Variants in CALD1 observed in about 807,000 individuals in gnomAD.
CALD1 encodes the protein caldesmon 1.
CALD1 carries 33 observed loss-of-function variants against 99.9 expected under a neutral mutation model. That is an observed-to-expected ratio of 0.33 (90% CI 0.25 to 0.44). The LOEUF (loss-of-function observed/expected upper bound fraction) is 0.44. Ranked by LOEUF, CALD1 falls within the 20% of genes least tolerant of loss-of-function variation. The probability of loss-of-function intolerance (pLI) is 1.00; values close to 1 mark genes in which losing one functional copy is unlikely to be tolerated. For missense variants in CALD1, 861 were observed against 962.1 expected (o/e 0.89, Z 1.39); for synonymous variants, 310 against 325.0 (o/e 0.95, Z 0.50).
Position 134,934,000 on chromosome 7 carries a change from C to G in CALD1, c.1231C>G (p.Gln411Glu). 1 of 1,613,994 alleles carries G rather than the reference C, an allele frequency of 6.2e-7. No individual in the cohort carries two copies. The highest frequency in any genetic ancestry group is 8.5e-7 in the Non-Finnish European group (1 of 1,179,968). ...ETKIKGEKVEQKIEGKWVNEK... is the reference protein window; with the variant it reads ...ETKIKGEKVEEKIEGKWVNEK... ...AAAGATAAAAGGGGAAAAGGTAGAACAGAAAATAGAAGGGAAATGGGTAAA... is the reference window on the plus strand; with the variant it reads ...AAAGATAAAAGGGGAAAAGGTAGAAGAGAAAATAGAAGGGAAATGGGTAAA... The change falls in exon 5 of 15, where the codon CAG (glutamine) becomes GAG (glutamate). Residue 411 changes from glutamine (Q) to glutamate (E), a missense_variant. By Grantham distance (29) the Gln-to-Glu change is conservative. This residue lies in a region of CALD1 where 293 missense variants were observed against 262.7 expected (regional missense o/e 1.12). Transcript: ENST00000361675.
chr7:134,928,170 G>A (rs1374442666), intron 3 of CALD1: 10 of 220,300 alleles, frequency 4.5e-5, no homozygotes, highest in South Asian at 9.6e-5. Flanking sequence ...GGTGGCTCAC[G>A]CCTGTAATCC....
chr7:134,833,601 G>A (rs1329248439), intron 1 of CALD1, among the ~76,000 whole-genome samples: 1 of 152,194 alleles, frequency 6.6e-6, no homozygotes, highest in African/African-American at 2.4e-5. Context: ...TCAAGATTTA[G>A]AAGTGGAAAA....
intron 3 of CALD1, among the ~76,000 whole-genome samples, chr7:134,884,652 A>T (rs1227902436): frequency 6.8e-6 from 1 of 146,774 alleles, no homozygotes; most frequent in Non-Finnish European, 1.5e-5. Flanking sequence ...AAAAAAGGCC[A>T]ATCTTTAGAA....
At chr7:134,795,877 T>C (rs1182928939) in intron 1 of CALD1, among the ~76,000 whole-genome samples, 1 of 152,210 alleles carries the variant, frequency 6.6e-6, no homozygotes, top group African/African-American at 2.4e-5. Context: ...CCTACGACCC[T>C]AAGACTTGAC....
the CALD1 span, among the ~76,000 whole-genome samples, chr7:134,729,916 A>C: frequency 6.6e-6 from 1 of 152,124 alleles, no homozygotes; most frequent in African/African-American, 2.4e-5. Flanking sequence ...CTCTGGATGG[A>C]GAGTTGGATG....
At chr7:134,763,102 A>G (rs2131601338) in intron 1 of CALD1, among the ~76,000 whole-genome samples, 1 of 152,332 alleles carries the variant, frequency 6.6e-6, no homozygotes, top group South Asian at 2.1e-4. Context: ...CTGTCTGTCT[A>G]TCTAATCGAT....
upstream of CALD1, among the ~76,000 whole-genome samples, chr7:134,778,827 T>A (rs1263586384): frequency 6.6e-6 from 1 of 152,062 alleles, no homozygotes; most frequent in Non-Finnish European, 1.5e-5. Flanking sequence ...TCTAGTACTA[T>A]CTCCACATCA....
chr7:134,739,651 C>T (rs937690247), upstream of CALD1, among the ~76,000 whole-genome samples: 1 of 152,086 alleles, frequency 6.6e-6, no homozygotes, highest in African/African-American at 2.4e-5. Context: ...CCTAGAACTG[C>T]AAAGAACAAG....
At chr7:134,784,503 T>C (rs1296146881) in intron 1 of CALD1, among the ~76,000 whole-genome samples, 1 of 152,184 alleles carries the variant, frequency 6.6e-6, no homozygotes, top group Non-Finnish European at 1.5e-5. Flanking sequence ...GGCTAAGTTG[T>C]GCATGACAGC....
intron 1 of CALD1, among the ~76,000 whole-genome samples, chr7:134,755,808 G>C (rs182436571): frequency 1.4e-4 from 21 of 152,204 alleles, no homozygotes; most frequent in African/African-American, 4.6e-4. Context: ...TGCCTTCTGA[G>C]TCTTGTTTAA....
At chr7:134,838,192 G>A (rs1481215752) in intron 1 of CALD1, among the ~76,000 whole-genome samples, 2 of 151,916 alleles carry the variant, frequency 1.3e-5, no homozygotes, top group African/African-American at 4.8e-5. Context: ...ACAAATATCT[G>A]TATACATTTC....
chr7:134,920,948 C>G (rs1465151529), intron 3 of CALD1, among the ~76,000 whole-genome samples: 1 of 152,190 alleles, frequency 6.6e-6, no homozygotes, highest in African/African-American at 2.4e-5. Context: ...TTTGTTTTCT[C>G]TGAGGCTTTT....
At chr7:134,955,312 C>T (rs6954260) in intron 9 of CALD1, among the ~76,000 whole-genome samples, 2 of 152,134 alleles carry the variant, frequency 1.3e-5, no homozygotes, top group East Asian at 1.9e-4. Context: ...CACTTGAACC[C>T]GGGAGGTGGA....
rs555618157 is a variant in CALD1, at chr7:134,909,186, G to A, written c.72-19568G>A. Among the ~76,000 whole-genome samples the A allele has an allele frequency of 9.9e-4, 151 of 152,260 alleles. 1 individual carries two copies. The highest frequency in any genetic ancestry group is 3.3e-3 in the African/African-American group (137 of 41,546). On this transcript the variant is annotated intron_variant, in intron 3 of 14. Coordinates refer to ENST00000361675, the MANE Select transcript of CALD1 (RefSeq NM_033138.4). ...TTGTGAAATTGCTGTAGCAAGGATA[G>A]GATGATATGATCGAGAAGTTTAAAA...
chr7:134,725,018 G>A, the CALD1 span, among the ~76,000 whole-genome samples: 1 of 152,204 alleles, frequency 6.6e-6, no homozygotes, highest in South Asian at 2.1e-4. Context: ...AGAGGTGGGT[G>A]CAGTCAACCC....
intron 1 of CALD1, among the ~76,000 whole-genome samples, chr7:134,816,596 T>C (rs976326774): frequency 6.6e-6 from 1 of 152,234 alleles, no homozygotes; most frequent in Admixed American, 6.5e-5. Flanking sequence ...GTTTTGTATA[T>C]GCAACATTAA....
At chr7:134,833,180 A>C (rs1311169074) in intron 1 of CALD1, among the ~76,000 whole-genome samples, 1 of 152,208 alleles carries the variant, frequency 6.6e-6, no homozygotes, top group East Asian at 1.9e-4. Flanking sequence ...AATTCAATCC[A>C]CTTAGCTATG....
the CALD1 span, among the ~76,000 whole-genome samples, chr7:134,726,859 G>A: frequency 2.0e-5 from 3 of 152,344 alleles, no homozygotes; most frequent in Admixed American, 6.5e-5. Flanking sequence ...AGCCCATCTA[G>A]TGAGGATAAT....
At chr7:134,736,504 A>G in the CALD1 span, among the ~76,000 whole-genome samples, 3 of 152,162 alleles carry the variant, frequency 2.0e-5, no homozygotes, top group Non-Finnish European at 4.4e-5. Context: ...TCCATGCCTT[A>G]GAGACTCCAA....
Sources: allele counts gnomAD v4.1 joint callset (sites outside exome capture counted in the v4.1 genomes callset), GRCh38; gene constraint gnomAD v4.1.1; regional missense constraint gnomAD v4.1.1; transcripts MANE v1.5; gene names NCBI Gene and HGNC (gene_info 2026-07-23, HGNC 2026-07-21).